The following HUWE1 variants were observed in gnomAD, a reference collection of about 807,000 sequenced individuals.
HUWE1 encodes HECT, UBA and WWE domain containing E3 ubiquitin protein ligase 1.
In HUWE1, 18 loss-of-function variants were observed where a neutral mutation model predicts 299.4. The ratio of observed to expected loss-of-function variants is 0.06; its 90% CI spans 0.04 to 0.09. HUWE1 has a LOEUF of 0.09. Ranked by LOEUF, HUWE1 falls within the 10% of genes least tolerant of loss-of-function variation. The pLI is 1.00. For missense variants in HUWE1, 1,832 were observed against 3,462.3 expected (o/e 0.53, Z 11.82); for synonymous variants, 1,317 against 1,286.1 (o/e 1.02, Z -0.51).
At chrX:53,619,590 G>GAAAAAAAAAAAA (rs35685121) in intron 19 of HUWE1, among the ~76,000 whole-genome samples, 2 of 41,166 alleles carry the variant, frequency 4.9e-5, no homozygotes, top group Admixed American at 3.4e-4. Context: ...AGAAATAGAA[G>GAAAAAAAAAAAA]AAAAAAAAAA....
intron 73 of HUWE1, chrX:53,542,891 G>GTA (rs1461315739): frequency 1.2e-5 from 2 of 165,908 alleles, no homozygotes; most frequent in African/African-American, 7.0e-5. Flanking sequence ...GTGTGTGTGT[G>GTA]TATAAAAAAT....
chrX:53,658,507 G>C (rs2068852521), intron 3 of HUWE1, among the ~76,000 whole-genome samples: 1 of 111,633 alleles, frequency 9.0e-6, no homozygotes, highest in Admixed American at 9.5e-5. Context: ...ACCGGTAAAA[G>C]AATGAACAAA....
rs781980859 is a variant in HUWE1 at position 53,546,530 on chromosome X, C to T, written c.10821G>A (p.Gln3607=). The T allele has an allele frequency of 2.5e-6, 3 of 1,209,498 alleles. No homozygotes were observed. The South Asian group carries it at 5.3e-5, about 21-fold the overall frequency. The change falls in exon 70 of 84, where the codon CAG becomes CAA. Residue 3607 remains glutamine, a synonymous_variant. Coordinates refer to ENST00000262854, the MANE Select transcript of HUWE1 (RefSeq NM_031407.7). The stretch of plus-strand genomic sequence containing the variant: ...GGGTCCCAGAGTCCCCCCGGGAGAG[C>T]TGCAGTAGTACGTTGGCTGCATCCT... ...GLEDAANVLL[Q]LSRGDSGTRD...
chrX:53,536,236 T>G lies in HUWE1; in HGVS notation c.12442A>C (p.Ser4148Arg). Reference protein sequence around the residue: ...GKSVRYTDMESEDYHFYQGLV... With the variant: ...GKSVRYTDMEREDYHFYQGLV... The stretch of plus-strand genomic sequence containing the variant: ...CCTTGGTAGAAGTGGTAATCTTCAC[T>G]CTCCATATCTGTATATCTAGAAAAA... The change falls in exon 80 of 84, where the codon AGT becomes CGT. Residue 4148 changes from serine to arginine, a missense_variant. Physicochemically the swap from Ser to Arg is moderately radical, Grantham distance 110. This residue lies in a region of HUWE1 where 129 missense variants were observed against 439.4 expected (regional missense o/e 0.29). Transcript: ENST00000262854. 1 of 1,187,493 alleles carries G rather than the reference T, an allele frequency of 8.4e-7. No homozygotes were observed. Among genetic ancestry groups the G allele is most frequent in the Non-Finnish European group, 1.1e-6 (1 of 873,813 alleles).
intron 42 of HUWE1, 79 bp from the exon 43 acceptor site, chrX:53,581,105 T>C: frequency 1.2e-6 from 1 of 834,892 alleles, no homozygotes. Flanking sequence ...TTACCAAGAC[T>C]AAAAGCTTTT....
At chrX:53,660,377 C>T (rs1371576004) in intron 3 of HUWE1, among the ~76,000 whole-genome samples, 2 of 112,442 alleles carry the variant, frequency 1.8e-5, no homozygotes, top group Non-Finnish European at 3.8e-5. Flanking sequence ...TATGAATGCA[C>T]ACACACAAAT....
intron 6 of HUWE1, among the ~76,000 whole-genome samples, chrX:53,646,075 A>G (rs950407948): frequency 1.8e-5 from 2 of 111,034 alleles, no homozygotes; most frequent in Non-Finnish European, 3.8e-5. Context: ...AAAGATATCG[A>G]TAACAGCTCG....
At chrX:53,625,879 G>T (rs868908450) in intron 17 of HUWE1, 2 of 318,450 alleles carry the variant, frequency 6.3e-6, no homozygotes, top group Non-Finnish European at 6.2e-6. Context: ...CCGGGGCCGG[G>T]GCCAGGGCCG....
chrX:53,580,266 C>T (rs1176570858), intron 43 of HUWE1, among the ~76,000 whole-genome samples: 1 of 111,951 alleles, frequency 8.9e-6, no homozygotes, highest in Non-Finnish European at 1.9e-5. Context: ...TATCTGGATC[C>T]ACAGCCCAAC....
intron 3 of HUWE1, among the ~76,000 whole-genome samples, chrX:53,662,898 G>T (rs782743703): frequency 9.0e-6 from 1 of 110,859 alleles, no homozygotes; most frequent in Admixed American, 9.6e-5. Flanking sequence ...GACCAGCCTG[G>T]GCAACATGGT....
At chrX:53,591,946 C>T (rs2064185951) in intron 33 of HUWE1, among the ~76,000 whole-genome samples, 1 of 112,185 alleles carries the variant, frequency 8.9e-6, no homozygotes, top group African/African-American at 3.2e-5. Flanking sequence ...AGTGGCAGGA[C>T]TTTACATGCC....
At chrX:53,630,718 CAT>C (rs1328297796) in intron 12 of HUWE1, among the ~76,000 whole-genome samples, 3 of 107,926 alleles carry the variant, frequency 2.8e-5, no homozygotes, top group Non-Finnish European at 5.8e-5. Context: ...ACCCAGGTGA[CAT>C]GTCAATCAAC....
intron 29 of HUWE1, among the ~76,000 whole-genome samples, chrX:53,595,765 G>A (rs2064425583): frequency 9.0e-6 from 1 of 111,446 alleles, no homozygotes; most frequent in Non-Finnish European, 1.9e-5. Flanking sequence ...AAAATGATTA[G>A]CCACTTAGAT....
At chrX:53,641,935 T>C (rs1293469081) in intron 7 of HUWE1, among the ~76,000 whole-genome samples, 2 of 111,302 alleles carry the variant, frequency 1.8e-5, no homozygotes, top group Non-Finnish European at 3.8e-5. Flanking sequence ...TATTTTCCCT[T>C]ATCCATAGGG....
chrX:53,630,655 A>G (rs1170287067), intron 12 of HUWE1, among the ~76,000 whole-genome samples: 1 of 108,608 alleles, frequency 9.2e-6, no homozygotes, highest in East Asian at 2.8e-4. Context: ...AGTGAACGAT[A>G]GCTACAAGCA....
chrX:53,632,227 G>A (rs1439176165), intron 9 of HUWE1, among the ~76,000 whole-genome samples: 4 of 111,810 alleles, frequency 3.6e-5, no homozygotes, highest in Non-Finnish European at 7.5e-5. Context: ...CAGAGACTGT[G>A]GGAAAAGCAC....
In HUWE1 at chrX:53,549,229, C is replaced by T. The variant is rs782753934; in HGVS notation, c.9765G>A (p.Ser3255=). ...GGCTACTTGACCCACAGCTCTTGCTCGACTTTTTGCCCTTTTCCTCACTTG... is the reference window on the plus strand; with the variant it reads ...GGCTACTTGACCCACAGCTCTTGCTTGACTTTTTGCCCTTTTCCTCACTTG... ...LTTSEEKGKK[S]SKSCGSSSHE... Residue 3255 remains serine (S), a synonymous_variant, in exon 67 of 84, where the codon TCG becomes TCA. Coordinates refer to ENST00000262854, the MANE Select transcript of HUWE1 (RefSeq NM_031407.7). 1.4e-5 allele frequency: 17 copies of T among 1,210,456 alleles called. No homozygotes were observed. In the South Asian group the frequency reaches 1.9e-4, roughly 14 times the overall value.
chrX:53,555,220 C>T (rs1216833252), intron 60 of HUWE1, among the ~76,000 whole-genome samples: 1 of 111,983 alleles, frequency 8.9e-6, no homozygotes, highest in Non-Finnish European at 1.9e-5. Flanking sequence ...TAGGGTGAGG[C>T]TAAATGTCTC....
At chrX:53,535,295 C>G in intron 81 of HUWE1, 89 bp downstream of exon 81, 1 of 612,187 alleles carries the variant, frequency 1.6e-6, no homozygotes, top group Middle Eastern at 3.1e-4. Flanking sequence ...TCTGTCATAG[C>G]AGAGGAAAAC....
Sources: allele counts gnomAD v4.1 joint callset (sites outside exome capture counted in the v4.1 genomes callset), GRCh38; gene constraint gnomAD v4.1.1; regional missense constraint gnomAD v4.1.1; transcripts MANE v1.5; gene names NCBI Gene and HGNC (gene_info 2026-07-23, HGNC 2026-07-21).